CEP128: variants seen among roughly 807,000 people sequenced by gnomAD.
CEP128 encodes centrosomal protein 128kDa.
Under a neutral mutation model 156.7 loss-of-function variants are expected in CEP128, and 132 were observed. The observed-to-expected ratio is 0.84, with a 90% CI of 0.73 to 0.97. CEP128 has a LOEUF of 0.97. CEP128 is among the 50% of genes least tolerant of loss of function. The pLI, the probability that CEP128 is intolerant of heterozygous loss-of-function variation, is 0.00. For synonymous variants in CEP128, 469 were observed against 448.9 expected (o/e 1.04, Z -0.57); for missense variants, 1,252 against 1,281.9 (o/e 0.98, Z 0.36).
chr14:80,826,130 C>T (rs1471204511), intron 13 of CEP128, among the ~76,000 whole-genome samples: 3 of 144,230 alleles, frequency 2.1e-5, no homozygotes, highest in Non-Finnish European at 3.0e-5. Context: ...AAAAAAACAG[C>T]TCTGCCAATA....
At chr14:80,826,640 C>A (rs1455136854) in intron 13 of CEP128, among the ~76,000 whole-genome samples, 1 of 151,924 alleles carries the variant, frequency 6.6e-6, no homozygotes, top group Non-Finnish European at 1.5e-5. Context: ...TTATACCATC[C>A]TCTTTTAAAA....
At chr14:80,597,966 A>C (rs79196248) in intron 19 of CEP128, among the ~76,000 whole-genome samples, 6,584 of 144,822 alleles carry the variant, frequency 0.045, 274 homozygotes, top group East Asian at 0.16. Context: ...AAAAAAAAAA[A>C]AAAACAAAAC....
intron 19 of CEP128, among the ~76,000 whole-genome samples, chr14:80,709,342 T>C (rs369777300): frequency 2.0e-5 from 3 of 152,126 alleles, no homozygotes; most frequent in African/African-American, 7.2e-5. Context: ...TTCACTATGT[T>C]GGCCAGGCTG....
chr14:80,501,557 T>C (rs986336174), intron 24 of CEP128, among the ~76,000 whole-genome samples: 1 of 151,864 alleles, frequency 6.6e-6, no homozygotes, highest in Non-Finnish European at 1.5e-5. Context: ...CAGGCTGGAG[T>C]GCAGTGGCGT....
At chr14:80,806,467 G>A (rs890567284) in intron 13 of CEP128, among the ~76,000 whole-genome samples, 7 of 152,094 alleles carry the variant, frequency 4.6e-5, no homozygotes, top group Non-Finnish European at 8.8e-5. Flanking sequence ...TAATGCACGA[G>A]GGAAATTCTG....
chr14:80,651,283 T>C (rs184668759), intron 19 of CEP128, among the ~76,000 whole-genome samples: 198 of 152,250 alleles, frequency 1.3e-3, no homozygotes, highest in Admixed American at 2.7e-3. Context: ...CATTTTTTAT[T>C]GCATCTATAT....
chr14:80,805,715 T>G (rs759848900), intron 13 of CEP128, among the ~76,000 whole-genome samples: 13 of 152,184 alleles, frequency 8.5e-5, no homozygotes, highest in Admixed American at 2.6e-4. Context: ...GAACTGATAC[T>G]GAGAGCACAA....
chr14:80,657,193 G>A (rs1895208978), intron 19 of CEP128, among the ~76,000 whole-genome samples: 1 of 151,740 alleles, frequency 6.6e-6, no homozygotes, highest in African/African-American at 2.4e-5. Context: ...GGAGGCAAAA[G>A]TTGCAGTGAG....
intron 20 of CEP128, among the ~76,000 whole-genome samples, chr14:80,573,089 A>AATT (rs371605452): frequency 6.9e-6 from 1 of 144,818 alleles, no homozygotes; most frequent in Non-Finnish European, 1.5e-5. Context: ...CGCCTGACTA[A>AATT]TTTTTTTTTT....
chr14:80,645,607 T>C (rs1204935025), intron 19 of CEP128, among the ~76,000 whole-genome samples: 1 of 152,142 alleles, frequency 6.6e-6, no homozygotes, highest in Non-Finnish European at 1.5e-5. Context: ...GGAACTCTCA[T>C]TGACTGCTGG....
chr14:80,544,175 G>A lies in CEP128; in HGVS notation c.2881-13289C>T, dbSNP rs1889884504. Among the ~76,000 whole-genome samples the A allele has an allele frequency of 5.9e-5, 9 of 152,046 alleles. No individual in the cohort carries two copies. The South Asian group carries it at 1.9e-3, about 32-fold the overall frequency. On this transcript the variant is annotated intron_variant, in intron 21 of 24. Transcript: ENST00000555265. ...TTCTTTGGGTTTCTGAATGAAAATA[G>A]GTCAATAGAGATAAACGTGTATACT...
At chr14:80,646,067 G>A (rs1395360250) in intron 19 of CEP128, among the ~76,000 whole-genome samples, 1 of 152,108 alleles carries the variant, frequency 6.6e-6, no homozygotes, top group Non-Finnish European at 1.5e-5. Context: ...GGATAAATAG[G>A]TAGAGCTCAC....
At chr14:80,611,918 C>T (rs1158659202) in intron 19 of CEP128, among the ~76,000 whole-genome samples, 5 of 152,080 alleles carry the variant, frequency 3.3e-5, no homozygotes, top group Admixed American at 6.5e-5. Context: ...ATAAGCCAGG[C>T]GTGGTAGCCT....
chr14:80,554,882 G>T (rs776787873), intron 21 of CEP128, among the ~76,000 whole-genome samples: 7 of 151,130 alleles, frequency 4.6e-5, no homozygotes, highest in Non-Finnish European at 1.0e-4. Context: ...CTTATGTTGG[G>T]TGATAAGCTC....
chr14:80,635,310 A>G (rs984368797), intron 19 of CEP128, among the ~76,000 whole-genome samples: 2 of 152,220 alleles, frequency 1.3e-5, no homozygotes, highest in African/African-American at 4.8e-5. Flanking sequence ...CCCCACACAC[A>G]GAATTCAATG....
intron 8 of CEP128, among the ~76,000 whole-genome samples, chr14:80,865,668 C>T (rs555680141): frequency 6.6e-6 from 1 of 152,050 alleles, no homozygotes; most frequent in Non-Finnish European, 1.5e-5. Flanking sequence ...TATTAGATTG[C>T]AAAAAACTGA....
At chr14:80,923,038 G>C (rs1272707275) in intron 2 of CEP128, among the ~76,000 whole-genome samples, 2 of 152,198 alleles carry the variant, frequency 1.3e-5, no homozygotes, top group African/African-American at 4.8e-5. Context: ...CAAATCTCTA[G>C]AGAAGACTAA....
chr14:80,645,211 T>C (rs891720811), intron 19 of CEP128, among the ~76,000 whole-genome samples: 1 of 152,198 alleles, frequency 6.6e-6, no homozygotes, highest in Admixed American at 6.5e-5. Flanking sequence ...AGAAATATAC[T>C]AAGGGTACAT....
intron 13 of CEP128, among the ~76,000 whole-genome samples, chr14:80,825,019 T>C (rs1246243027): frequency 6.6e-6 from 1 of 152,158 alleles, no homozygotes; most frequent in Non-Finnish European, 1.5e-5. Flanking sequence ...GAAAGGCATG[T>C]CTTACATGGT....
Sources: allele counts gnomAD v4.1 joint callset (sites outside exome capture counted in the v4.1 genomes callset), GRCh38; gene constraint gnomAD v4.1.1; transcripts MANE v1.5; gene names NCBI Gene and HGNC (gene_info 2026-07-23, HGNC 2026-07-21).